NLGN4X: variants seen among roughly 807,000 people sequenced by gnomAD.
The protein encoded by NLGN4X is neuroligin 4 X-linked.
A neutral mutation model predicts 40.3 loss-of-function variants in NLGN4X; 3 were observed. That is an observed-to-expected ratio of 0.07 (90% CI 0.03 to 0.19). The LOEUF is 0.19. Ranked by LOEUF, NLGN4X falls within the 10% of genes least tolerant of loss-of-function variation. The probability of loss-of-function intolerance (pLI) is 1.00; values close to 1 mark genes in which losing one functional copy is unlikely to be tolerated. For synonymous variants in NLGN4X, 270 were observed against 306.8 expected (o/e 0.88, Z 1.25); for missense variants, 382 against 708.3 (o/e 0.54, Z 5.23).
At chrX:6,094,705 T>C (rs2038719843) in intron 2 of NLGN4X, among the ~76,000 whole-genome samples, 1 of 111,605 alleles carries the variant, frequency 9.0e-6, no homozygotes, top group African/African-American at 3.3e-5. Context: ...TGAATGTAGT[T>C]AGGATCTTGG....
intron 1 of NLGN4X, among the ~76,000 whole-genome samples, chrX:6,162,571 T>C (rs2040421876): frequency 8.9e-6 from 1 of 111,787 alleles, no homozygotes; most frequent in African/African-American, 3.2e-5. Flanking sequence ...AGCTTTGGGA[T>C]TCGGACTGGC....
At chrX:5,999,878 C>T (rs769314730) in intron 3 of NLGN4X, among the ~76,000 whole-genome samples, 5 of 112,227 alleles carry the variant, frequency 4.5e-5, no homozygotes, top group Non-Finnish European at 9.4e-5. Context: ...CGGAGTTTGG[C>T]TGCCACAGAA....
chrX:6,055,221 G>A (rs1402028525), intron 2 of NLGN4X, among the ~76,000 whole-genome samples: 1 of 112,113 alleles, frequency 8.9e-6, no homozygotes, highest in African/African-American at 3.2e-5. Context: ...GGGGCTGGGC[G>A]AGGTGGCTCA....
intron 3 of NLGN4X, among the ~76,000 whole-genome samples, chrX:5,925,873 C>CAT (rs2033264692): frequency 2.1e-4 from 2 of 9,583 alleles, no homozygotes; most frequent in African/African-American, 6.5e-4. Flanking sequence ...TATATATATA[C>CAT]ATACACACAT....
At chrX:5,978,305 TTTCTTTCTTTCTTTC>T (rs2035260768) in intron 3 of NLGN4X, among the ~76,000 whole-genome samples, 1 of 93,383 alleles carries the variant, frequency 1.1e-5, no homozygotes, top group Admixed American at 1.2e-4. Context: ...TCTTTCTTTC[TTTCTTTCTTTCTTTC>T]TTTCTTTCTT....
intron 2 of NLGN4X, among the ~76,000 whole-genome samples, chrX:6,128,408 A>T (rs894057122): frequency 5.4e-5 from 6 of 111,944 alleles, no homozygotes; most frequent in Non-Finnish European, 1.1e-4. Context: ...ATATGATGAA[A>T]ATGTTTGTAT....
intron 3 of NLGN4X, among the ~76,000 whole-genome samples, chrX:5,926,789 TACACACACACAC>T (rs3072083): frequency 5.4e-5 from 5 of 93,054 alleles, no homozygotes; most frequent in Admixed American, 1.2e-4. Flanking sequence ...CTAGAGAGCA[TACACACACACAC>T]ACACACACAC....
chrX:6,225,837 C>T (rs1204848173), intron 1 of NLGN4X, among the ~76,000 whole-genome samples: 1 of 99,462 alleles, frequency 1.0e-5, no homozygotes, highest in African/African-American at 3.7e-5. Context: ...CTACGGGCAA[C>T]GGATGCCTTC....
intron 3 of NLGN4X, among the ~76,000 whole-genome samples, chrX:5,940,747 A>G (rs2033899762): frequency 9.0e-6 from 1 of 110,942 alleles, no homozygotes; most frequent in African/African-American, 3.3e-5. Context: ...ATAATAAATC[A>G]CCAAAGCCAG....
intron 3 of NLGN4X, among the ~76,000 whole-genome samples, chrX:6,020,564 T>C (rs1390237398): frequency 8.9e-6 from 1 of 111,962 alleles, no homozygotes; most frequent in Non-Finnish European, 1.9e-5. Context: ...TCACAAGGAA[T>C]TGAATATTTG....
chrX:5,894,197 A>T (rs1203600364), intron 5 of NLGN4X, among the ~76,000 whole-genome samples: 1 of 112,191 alleles, frequency 8.9e-6, no homozygotes, highest in African/African-American at 3.2e-5. Flanking sequence ...CAAAGAAGTT[A>T]TCTGGACCCA....
intron 1 of NLGN4X, among the ~76,000 whole-genome samples, chrX:6,179,114 G>GGAAGGAAGGAAGGAAGGAAA (rs1569284121): frequency 1.9e-5 from 2 of 105,973 alleles, no homozygotes; most frequent in African/African-American, 7.2e-5. Flanking sequence ...AAGGAAGGAA[G>GGAAGGAAGGAAGGAAGGAAA]GAAGGAAGGA....
intron 2 of NLGN4X, among the ~76,000 whole-genome samples, chrX:6,056,636 A>G (rs2037639436): frequency 8.9e-6 from 1 of 112,363 alleles, no homozygotes; most frequent in Non-Finnish European, 1.9e-5. Context: ...AACATGCACC[A>G]TTGCTTTGAG....
At chrX:6,034,975 G>C (rs2036965472) in intron 2 of NLGN4X, among the ~76,000 whole-genome samples, 1 of 111,564 alleles carries the variant, frequency 9.0e-6, no homozygotes, top group Non-Finnish European at 1.9e-5. Context: ...CTAAAGTGCT[G>C]GGATTACAAG....
intron 3 of NLGN4X, among the ~76,000 whole-genome samples, chrX:5,943,208 G>A (rs897645122): frequency 2.7e-5 from 3 of 111,365 alleles, no homozygotes; most frequent in African/African-American, 9.8e-5. Context: ...CAGGAGTCAA[G>A]GAATGCTACG....
rs1256218945 is a variant in NLGN4X at position 5,890,463 on chromosome X, C to T, written c.*2354G>A. 4 of 260,008 alleles carry T rather than the reference C, an allele frequency of 1.5e-5. No homozygotes were observed. The highest frequency in any genetic ancestry group is 8.6e-5 in the African/African-American group (3 of 35,082). 21.4% of individuals were successfully genotyped at this position (260,008 alleles called of 1,213,427 possible). On this transcript the variant is annotated 3_prime_UTR_variant, in exon 6 of 6. Coordinates refer to ENST00000381095, the MANE Select transcript of NLGN4X (RefSeq NM_181332.3). The stretch of plus-strand genomic sequence containing the variant: ...TTATTCAAATGTCACAAGCCTGACG[C>T]GTTACTGTACATATTGCTAGCAGGA...
chrX:6,159,614 G>T (rs2040343684), intron 1 of NLGN4X, among the ~76,000 whole-genome samples: 1 of 111,871 alleles, frequency 8.9e-6, no homozygotes, highest in South Asian at 3.7e-4. Flanking sequence ...GATCCTGCCA[G>T]CCATGGTAAG....
At chrX:6,079,745 A>G (rs146892405) in intron 2 of NLGN4X, among the ~76,000 whole-genome samples, 87 of 112,419 alleles carry the variant, frequency 7.7e-4, no homozygotes, top group Non-Finnish European at 1.4e-3. Flanking sequence ...TTATGTGCTT[A>G]TAATACCAAG....
intron 3 of NLGN4X, among the ~76,000 whole-genome samples, chrX:6,002,140 C>T (rs1042394801): frequency 1.8e-5 from 2 of 111,584 alleles, no homozygotes; most frequent in African/African-American, 6.5e-5. Flanking sequence ...AATACTGAGG[C>T]ACTGTGTGCA....
Sources: allele counts gnomAD v4.1 joint callset (sites outside exome capture counted in the v4.1 genomes callset), GRCh38; gene constraint gnomAD v4.1.1; transcripts MANE v1.5; gene names NCBI Gene and HGNC (gene_info 2026-07-23, HGNC 2026-07-21).